The following ADCY9 variants were observed in gnomAD, a reference collection of about 807,000 sequenced individuals.
The protein encoded by ADCY9 is adenylate cyclase type 9.
In ADCY9, 50 loss-of-function variants were observed where a neutral mutation model predicts 101.5. The observed-to-expected ratio is 0.49, with a 90% CI of 0.39 to 0.62. The LOEUF (loss-of-function observed/expected upper bound fraction) is 0.62. ADCY9 is among the 20% of genes least tolerant of loss of function. The pLI, the probability that ADCY9 is intolerant of heterozygous loss-of-function variation, is 0.00. For missense variants in ADCY9, 1,662 were observed against 1,800.4 expected, an observed-to-expected ratio of 0.92 and a Z score of 1.39; for synonymous variants, 905 against 769.3, an observed-to-expected ratio of 1.18 and a Z score of -2.92.
intron 7 of ADCY9, chr16:3,983,017 C>T: frequency 1.7e-6 from 1 of 586,848 alleles, no homozygotes; most frequent in Non-Finnish European, 3.0e-6. Flanking sequence ...AGGCACCGCC[C>T]CCTCCAGCGA....
intron 2 of ADCY9, among the ~76,000 whole-genome samples, chr16:4,028,053 C>T (rs945153662): frequency 1.3e-5 from 2 of 151,888 alleles, no homozygotes; most frequent in Non-Finnish European, 2.9e-5. Context: ...GGGGACACAG[C>T]CAAATCATAT....
chr16:4,101,950 C>A lies in ADCY9; in HGVS notation c.1693+11800G>T, dbSNP rs1327381954. Among the ~76,000 whole-genome samples the A allele has an allele frequency of 1.3e-5, 2 of 152,138 alleles. 1 individual carries two copies. Among genetic ancestry groups the A allele is most frequent in the Non-Finnish European group, 2.9e-5 (2 of 68,026 alleles). The stretch of plus-strand genomic sequence containing the variant: ...GCCAAGTTCGGCAGCTAGAGTTTAA[C>A]CAGGGCGAGCTATCAGTATTTTGTA... On this transcript the variant is annotated intron_variant, in intron 2 of 10. Coordinates refer to ENST00000294016, the MANE Select transcript of ADCY9 (RefSeq NM_001116.4).
chr16:4,060,087 G>A (rs146487075), intron 2 of ADCY9, among the ~76,000 whole-genome samples: 8 of 152,238 alleles, frequency 5.3e-5, no homozygotes, highest in Non-Finnish European at 7.4e-5. Context: ...TTGATTTGGA[G>A]GAGAGCACAT....
intron 2 of ADCY9, among the ~76,000 whole-genome samples, chr16:4,095,585 T>C (rs999176761): frequency 3.9e-5 from 6 of 152,168 alleles, no homozygotes; most frequent in Non-Finnish European, 7.3e-5. Flanking sequence ...TAAAATAATG[T>C]TCACATGGGA....
intron 2 of ADCY9, among the ~76,000 whole-genome samples, chr16:4,066,827 A>G (rs2056803915): frequency 1.3e-5 from 2 of 152,216 alleles, no homozygotes; most frequent in Admixed American, 1.3e-4. Flanking sequence ...CGCTTGTAGG[A>G]GCTATTAGAA....
intron 2 of ADCY9, among the ~76,000 whole-genome samples, chr16:4,057,042 C>T (rs968078966): frequency 7.3e-5 from 10 of 136,162 alleles, no homozygotes; most frequent in African/African-American, 1.4e-4. Context: ...GAAACCGCCC[C>T]CCCCCCCCCC....
At chr16:4,080,077 T>G (rs2056892268) in intron 2 of ADCY9, among the ~76,000 whole-genome samples, 1 of 152,116 alleles carries the variant, frequency 6.6e-6, no homozygotes, top group Non-Finnish European at 1.5e-5. Context: ...ATGATTAAAC[T>G]ATGGCATATT....
At position 4,021,853 on chromosome 16, in the gene ADCY9, T is replaced by C. The variant is rs1238365948; in HGVS notation, c.1694-14295A>G. Reference sequence around the variant, plus strand: ...GTTAGAGTCTTTGAAACGCATGAAATCCCCTTTAGGGTCCATAATAACGCC... The same window carrying C: ...GTTAGAGTCTTTGAAACGCATGAAACCCCCTTTAGGGTCCATAATAACGCC... On this transcript the variant is annotated intron_variant, in intron 2 of 10. Transcript: ENST00000294016. Among the ~76,000 whole-genome samples the C allele has an allele frequency of 2.6e-5, 4 of 152,230 alleles. No individual in the cohort carries two copies. The South Asian group carries it at 8.3e-4, about 32-fold the overall frequency.
In ADCY9 at chr16:4,114,061, C is replaced by A. The variant is rs1374827118; in HGVS notation, c.1382G>T (p.Cys461Phe). 2 of 1,613,892 alleles carry A rather than the reference C, an allele frequency of 1.2e-6. No individual in the cohort carries two copies. Among genetic ancestry groups the A allele is most frequent in the Non-Finnish European group, 1.7e-6 (2 of 1,180,048 alleles). The change falls in exon 2 of 11, where the codon TGC (cysteine) becomes TTC (phenylalanine). Residue 461 changes from cysteine to phenylalanine, a missense_variant. Transcript: ENST00000294016. This position sits in a 1 kb window ranked among gnomAD's most constrained non-coding sequence, Gnocchi z 4.3. ...CPEPRADHAY[C>F]CIEMGLGMIK... ...CATGCCCAGGCCCATCTCGATGCAG[C>A]AGTAGGCATGGTCGGCCCGGGGCTC...
At position 3,965,665 on chromosome 16, in the gene ADCY9, A is replaced by C; in HGVS notation, c.*110T>G. ...AAGTTAGGGCTGAAATGACCACATA[A>C]CACCACGTCCGGGGAGGGCAACTGT... is the stretch of plus-strand genomic sequence containing the variant. On this transcript the variant is annotated 3_prime_UTR_variant, in exon 11 of 11. Coordinates refer to ENST00000294016, the MANE Select transcript of ADCY9 (RefSeq NM_001116.4). The C allele has an allele frequency of 2.1e-6, 2 of 961,256 alleles. No individual in the cohort carries two copies. The highest frequency in any genetic ancestry group is 3.1e-6 in the Non-Finnish European group (2 of 647,304). The allele number at this position is 961,256 out of a possible 1,614,324, so 59.5% of individuals were successfully genotyped here.
At chr16:4,017,361 T>A (rs970180480) in intron 2 of ADCY9, among the ~76,000 whole-genome samples, 4 of 149,800 alleles carry the variant, frequency 2.7e-5, no homozygotes, top group Non-Finnish European at 5.9e-5. Context: ...ATAGATAATG[T>A]GGGCCAGGCA....
rs999063710 is a variant in ADCY9 at position 3,965,319 on chromosome 16, C to A, written c.*456G>T. 5 of 184,792 alleles carry A rather than the reference C, an allele frequency of 2.7e-5. No individual in the cohort carries two copies. In the South Asian group the frequency reaches 6.4e-4, roughly 24 times the overall value. 11.4% of individuals were successfully genotyped at this position (184,792 alleles called of 1,614,324 possible). On this transcript the variant is annotated 3_prime_UTR_variant, in exon 11 of 11. Transcript: ENST00000294016. ...AGAGAGGTCGGGTCGTAGAGGAACA[C>A]TGTGACATAGACAGAAACAAAATAA...
chr16:4,111,285 TTTG>T (rs1383518247), intron 2 of ADCY9, among the ~76,000 whole-genome samples: 3 of 152,048 alleles, frequency 2.0e-5, no homozygotes, highest in Admixed American at 1.3e-4. Flanking sequence ...TTTTTTTGTT[TTTG>T]TTGTTGTTGT....
intron 2 of ADCY9, among the ~76,000 whole-genome samples, chr16:4,051,287 A>T (rs182198711): frequency 6.6e-6 from 1 of 152,212 alleles, no homozygotes; most frequent in African/African-American, 2.4e-5. Flanking sequence ...ACACTTTGGG[A>T]GGCTGAGGCA....
At chr16:4,033,264 A>C (rs1387677138) in intron 2 of ADCY9, among the ~76,000 whole-genome samples, 1 of 152,176 alleles carries the variant, frequency 6.6e-6, no homozygotes, top group Non-Finnish European at 1.5e-5. Flanking sequence ...TGACAGAGAC[A>C]AAAAATTTAT....
intron 2 of ADCY9, among the ~76,000 whole-genome samples, chr16:4,099,824 G>A (rs2057031113): frequency 6.6e-6 from 1 of 152,254 alleles, no homozygotes; most frequent in South Asian, 2.1e-4. Flanking sequence ...GGCCAAGGCA[G>A]GAGGATGGCT....
downstream of ADCY9, among the ~76,000 whole-genome samples, chr16:3,958,673 C>CTTTTTTTT (rs1207846349): frequency 0.029 from 2,963 of 102,858 alleles, 308 homozygotes; most frequent in East Asian, 0.054. Context: ...TCGTCGGTTA[C>CTTTTTTTT]TTTTTTTTTT....
Position 4,114,389 on chromosome 16 carries a change from C to T in ADCY9, c.1054G>A (p.Glu352Lys), listed in dbSNP as rs1490276002. The T allele has an allele frequency of 6.2e-7, 1 of 1,614,134 alleles. No individual in the cohort carries two copies. The stretch of plus-strand genomic sequence containing the variant: ...CTCTTGACAGAATTCTCACTCTCCT[C>T]ATCTCCCTGCTTCATTAAGTCATCG... ...IADDLMKQGDEESENSVKRHA... is the reference protein window; with the variant it reads ...IADDLMKQGDKESENSVKRHA... The change falls in exon 2 of 11, where the codon GAG becomes AAG. Residue 352 changes from glutamate to lysine, a missense_variant. Coordinates refer to ENST00000294016, the MANE Select transcript of ADCY9 (RefSeq NM_001116.4). The surrounding 1 kb of genome is among the most constrained non-coding windows in gnomAD (Gnocchi z 4.3).
chr16:4,011,604 C>T (rs2056404790), intron 2 of ADCY9, among the ~76,000 whole-genome samples: 1 of 152,336 alleles, frequency 6.6e-6, no homozygotes, highest in Admixed American at 6.5e-5. Flanking sequence ...CTGGAGGGGG[C>T]CTCGGAGTCG....
Sources: allele counts gnomAD v4.1 joint callset (sites outside exome capture counted in the v4.1 genomes callset), GRCh38; gene constraint gnomAD v4.1.1; non-coding constraint Gnocchi (gnomAD v3.1); transcripts MANE v1.5; gene names NCBI Gene and HGNC (gene_info 2026-07-23, HGNC 2026-07-21).